DPYS: variants seen among roughly 807,000 people sequenced by gnomAD.
DPYS encodes the protein dihydropyrimidine amidohydrolase.
DPYS carries 39 observed loss-of-function variants against 50.3 expected under a neutral mutation model. The ratio of observed to expected loss-of-function variants is 0.78; its 90% CI spans 0.60 to 1.01. The LOEUF (loss-of-function observed/expected upper bound fraction) is 1.01, where lower values mean the gene tolerates loss of function less well. Among genes scored for constraint, DPYS ranks in the 50% least tolerant of loss-of-function variants. The pLI, the probability that DPYS is intolerant of heterozygous loss-of-function variation, is 0.00. For synonymous variants in DPYS, 245 were observed against 250.7 expected, an observed-to-expected ratio of 0.98 and a Z score of 0.22; for missense variants, 659 against 680.9, an observed-to-expected ratio of 0.97 and a Z score of 0.36.
intron 3 of DPYS, among the ~76,000 whole-genome samples, chr8:104,445,535 A>G (rs1813496448): frequency 6.6e-6 from 1 of 152,178 alleles, no homozygotes; most frequent in South Asian, 2.1e-4. Context: ...CAAACATTGC[A>G]TGTTCTCACT....
chr8:104,399,304 A>C (rs774607860), intron 7 of DPYS, among the ~76,000 whole-genome samples: 4,595 of 44,932 alleles, frequency 0.1, 431 homozygotes, highest in African/African-American at 0.19. Context: ...AAAAAAAAAA[A>C]AAAAAACAAC....
At chr8:104,461,942 C>G (rs563510822) in intron 1 of DPYS, among the ~76,000 whole-genome samples, 1 of 152,092 alleles carries the variant, frequency 6.6e-6, no homozygotes, top group African/African-American at 2.4e-5. Context: ...AATGTTTACA[C>G]GTTCCCCCAA....
At position 104,445,767 on chromosome 8, in the gene DPYS, C is replaced by T. The variant is rs527523392; in HGVS notation, c.604-1330G>A. Among the ~76,000 whole-genome samples the T allele has an allele frequency of 1.1e-4, 16 of 152,176 alleles. No individual in the cohort carries two copies. In the South Asian group the frequency reaches 1.9e-3, roughly 18 times the overall value. The stretch of plus-strand genomic sequence containing the variant: ...ATAGTCAATAATTGCACCTTTTGGC[C>T]GGGCGCGGTGGCTCACGCCTGTAAT... On this transcript the variant is annotated intron_variant, in intron 3 of 9. Transcript: ENST00000351513.
intron 7 of DPYS, among the ~76,000 whole-genome samples, chr8:104,396,160 AT>A (rs1811578377): frequency 6.6e-6 from 1 of 152,238 alleles, no homozygotes; most frequent in Non-Finnish European, 1.5e-5. Flanking sequence ...TATGGCCATT[AT>A]AATCTGCCAA....
intron 4 of DPYS, among the ~76,000 whole-genome samples, chr8:104,443,037 C>G (rs1813407664): frequency 6.6e-6 from 1 of 152,142 alleles, no homozygotes; most frequent in Non-Finnish European, 1.5e-5. Context: ...GCCTGGGCAA[C>G]AGAGTGAGAC....
At position 104,429,655 on chromosome 8, in the gene DPYS, AT is replaced by A; in HGVS notation, c.839del (p.Asp280ValfsTer33). 1.2e-6 allele frequency: 2 copies of A among 1,614,168 alleles called. No homozygotes were observed. Among genetic ancestry groups the A allele is most frequent in the Non-Finnish European group, 1.7e-6 (2 of 1,180,032 alleles). ...GEPIAASLGT[D>X]GTHYWNKEWH... Reference sequence around the variant, plus strand: ...ATTCTTTATTCCAGTAGTGAGTGCCATCTGTGCCAAGACTGGCTGCTATGGG... The same window carrying A: ...ATTCTTTATTCCAGTAGTGAGTGCCACTGTGCCAAGACTGGCTGCTATGGG... On this transcript the variant is annotated frameshift_variant, in exon 5 of 10. Coordinates refer to ENST00000351513, the MANE Select transcript of DPYS (RefSeq NM_001385.3). LOFTEE classifies it high-confidence loss of function.
chr8:104,432,414 C>G (rs1037078497), intron 4 of DPYS, among the ~76,000 whole-genome samples: 2 of 152,112 alleles, frequency 1.3e-5, no homozygotes, highest in Admixed American at 1.3e-4. Flanking sequence ...GCAAGCAACG[C>G]TAAATATTGA....
intron 8 of DPYS, among the ~76,000 whole-genome samples, chr8:104,390,464 A>G (rs1811351836): frequency 6.6e-6 from 1 of 151,094 alleles, no homozygotes; most frequent in Non-Finnish European, 1.5e-5. Flanking sequence ...ACTTGGACAA[A>G]TTTCTTAATT....
At chr8:104,455,046 C>T (rs887376748) in intron 1 of DPYS, among the ~76,000 whole-genome samples, 8 of 152,210 alleles carry the variant, frequency 5.3e-5, no homozygotes, top group East Asian at 3.9e-4. Flanking sequence ...ACCCAGATGA[C>T]GGGCTGATGG....
Position 104,447,349 on chromosome 8 carries a change from G to A in DPYS, c.578C>T (p.Ala193Val), listed in dbSNP as rs747956282. Residue 193 changes from alanine to valine, a missense_variant, in exon 3 of 10, where the codon GCG (alanine) becomes GTG (valine). Transcript: ENST00000351513. The part of the protein sequence containing the change: ...KEIGAIAQVH[A>V]ENGDLIAEGA... ...CTCTGCAATTAAGTCTCCATTTTCC[G>A]CATGGACCTGGGCAATTGCTCCAAT... 3 of 1,613,890 alleles carry A rather than the reference G, an allele frequency of 1.9e-6. No individual in the cohort carries two copies. The highest frequency in any genetic ancestry group is 1.7e-5 in the Admixed American group (1 of 59,972).
chr8:104,460,217 TC>T (rs1308165052), intron 1 of DPYS, among the ~76,000 whole-genome samples: 3 of 152,138 alleles, frequency 2.0e-5, no homozygotes, highest in African/African-American at 7.2e-5. Flanking sequence ...TGGCTCTGTG[TC>T]CCCACCCAAA....
At chr8:104,427,646 C>T (rs1812778759) in intron 6 of DPYS, among the ~76,000 whole-genome samples, 1 of 151,922 alleles carries the variant, frequency 6.6e-6, no homozygotes, top group Non-Finnish European at 1.5e-5. Flanking sequence ...AATTCAAGAG[C>T]ATGAGAAATC....
At chr8:104,449,631 T>TCC (rs1813661705) in intron 2 of DPYS, among the ~76,000 whole-genome samples, 1 of 152,244 alleles carries the variant, frequency 6.6e-6, no homozygotes. Flanking sequence ...GCATGTGCGC[T>TCC]TTATCCAATG....
intron 7 of DPYS, among the ~76,000 whole-genome samples, chr8:104,414,410 G>A (rs1438450489): frequency 6.6e-6 from 1 of 152,116 alleles, no homozygotes; most frequent in Non-Finnish European, 1.5e-5. Context: ...GCAGCTCTGG[G>A]GTAGGGTCTG....
At chr8:104,447,683 TTCATCTGATAAAC>T (rs1196543478) in intron 2 of DPYS, among the ~76,000 whole-genome samples, 180 bp from the exon 3 acceptor site, 1 of 152,222 alleles carries the variant, frequency 6.6e-6, no homozygotes, top group Non-Finnish European at 1.5e-5. Context: ...TATACCCCAT[TTCATCTGATAAAC>T]TGCTGCTGCT....
chr8:104,380,639 C>T (rs1486922478), intron 9 of DPYS: 2 of 155,070 alleles, frequency 1.3e-5, no homozygotes, highest in Non-Finnish European at 2.9e-5. Context: ...TGATGAAGTG[C>T]TCAAATACTT....
intron 8 of DPYS, among the ~76,000 whole-genome samples, chr8:104,385,995 G>A (rs1223553320): frequency 6.6e-6 from 1 of 152,222 alleles, no homozygotes. Context: ...AAAAGACATA[G>A]GTGGCACCTC....
At chr8:104,414,789 A>G (rs1017532907) in intron 7 of DPYS, among the ~76,000 whole-genome samples, 1 of 152,218 alleles carries the variant, frequency 6.6e-6, no homozygotes. Flanking sequence ...ACCGATGGCC[A>G]TAATTTTAAA....
intron 4 of DPYS, among the ~76,000 whole-genome samples, chr8:104,433,946 T>C (rs1813040518): frequency 6.6e-6 from 1 of 152,146 alleles, no homozygotes. Context: ...TGTAAAATAT[T>C]TGAAGAGATT....
Sources: gnomAD v4.1 joint callset for allele counts (sites outside exome capture counted in the v4.1 genomes callset) on GRCh38, gnomAD v4.1.1 for gene constraint, MANE v1.5 for transcripts, NCBI Gene and HGNC (gene_info 2026-07-23, HGNC 2026-07-21) for gene names.